The following OXCT1 variants were observed in gnomAD, a reference collection of about 807,000 sequenced individuals.
The protein encoded by OXCT1 is succinyl-CoA:3-ketoacid coenzyme A transferase 1, mitochondrial.
OXCT1 carries 27 observed loss-of-function variants against 69.6 expected under a neutral mutation model. That is an observed-to-expected ratio of 0.39 (90% confidence interval 0.29 to 0.54). The LOEUF (loss-of-function observed/expected upper bound fraction) is 0.54. Among genes scored for constraint, OXCT1 ranks in the 20% least tolerant of loss-of-function variants. OXCT1 has a pLI of 0.72. For missense variants in OXCT1, 437 were observed against 650.2 expected (o/e 0.67, Z 3.57); for synonymous variants, 202 against 217.8 (o/e 0.93, Z 0.64).
chr5:41,731,720 A>G lies in OXCT1; in HGVS notation c.*9T>C, dbSNP rs773073930. The G allele has an allele frequency of 6.2e-7, 1 of 1,605,750 alleles. No individual in the cohort carries two copies. The highest frequency in any genetic ancestry group is 1.3e-5 in the African/African-American group (1 of 74,914). ...GAAAAACACGCAGCCTGGTACAAAT[A>G]TCCATATTTCAATTTGCGATCTGCT... is the stretch of plus-strand genomic sequence containing the variant. On this transcript the variant is annotated 3_prime_UTR_variant, in exon 17 of 17. Coordinates refer to ENST00000196371, the MANE Select transcript of OXCT1 (RefSeq NM_000436.4).
chr5:41,764,780 T>A (rs977776001), intron 13 of OXCT1, among the ~76,000 whole-genome samples: 1 of 152,160 alleles, frequency 6.6e-6, no homozygotes, highest in African/African-American at 2.4e-5. Flanking sequence ...AACTGCTAAC[T>A]GTGGCTGGGA....
At chr5:41,814,423 C>T (rs1263162530) in intron 7 of OXCT1, among the ~76,000 whole-genome samples, 1 of 151,994 alleles carries the variant, frequency 6.6e-6, no homozygotes. Flanking sequence ...GACACGTGCA[C>T]ATGTATGTTT....
At chr5:41,776,644 G>T (rs1052083162) in intron 13 of OXCT1, among the ~76,000 whole-genome samples, 1 of 152,170 alleles carries the variant, frequency 6.6e-6, no homozygotes, top group African/African-American at 2.4e-5. Flanking sequence ...CTTTCTTGTA[G>T]TAACTGAACT....
chr5:41,846,750 A>AGT (rs1203395299), intron 5 of OXCT1, among the ~76,000 whole-genome samples: 4 of 152,230 alleles, frequency 2.6e-5, no homozygotes, highest in Non-Finnish European at 5.9e-5. Context: ...TCCCACCAAC[A>AGT]GTGTAAAAGT....
chr5:41,808,469 C>T (rs1746796020), intron 7 of OXCT1, among the ~76,000 whole-genome samples: 1 of 152,046 alleles, frequency 6.6e-6, no homozygotes, highest in African/African-American at 2.4e-5. Context: ...TCCTACAGTG[C>T]AAGAATACCA....
At chr5:41,766,004 T>C (rs141371038) in intron 13 of OXCT1, among the ~76,000 whole-genome samples, 2,159 of 151,980 alleles carry the variant, frequency 0.014, 99 homozygotes, top group South Asian at 0.079. Context: ...TTGGGGAAAA[T>C]AGGCCTATAA....
intron 7 of OXCT1, among the ~76,000 whole-genome samples, chr5:41,818,710 A>G (rs1747376472): frequency 1.3e-5 from 2 of 152,176 alleles, no homozygotes; most frequent in Non-Finnish European, 2.9e-5. Context: ...ATATGTTCTA[A>G]TATTAGGAGG....
At position 41,788,277 on chromosome 5, in the gene OXCT1, G is replaced by A. The variant is rs147966384; in HGVS notation, c.1248+5726C>T. 7.2e-5 allele frequency among the ~76,000 whole-genome samples: 11 copies of A among 152,064 alleles called. No individual in the cohort carries two copies. In the East Asian group the frequency reaches 9.6e-4, roughly 13 times the overall value. On this transcript the variant is annotated intron_variant, in intron 13 of 16. Coordinates refer to ENST00000196371, the MANE Select transcript of OXCT1 (RefSeq NM_000436.4). ...TGAAGATAAAATACTCAAAAAATACGTAATTGATCCCAAAGAAATCAAAGG... is the reference window on the plus strand; with the variant it reads ...TGAAGATAAAATACTCAAAAAATACATAATTGATCCCAAAGAAATCAAAGG...
chr5:41,854,040 A>AG (rs1163467837), intron 3 of OXCT1, among the ~76,000 whole-genome samples: 6 of 152,182 alleles, frequency 3.9e-5, no homozygotes, highest in Non-Finnish European at 8.8e-5. Flanking sequence ...AAAAGGAGAG[A>AG]GGGGCATTCT....
At chr5:41,862,882 C>A in intron 1 of OXCT1, 132 bp from the exon 2 acceptor site, 1 of 640,394 alleles carries the variant, frequency 1.6e-6, no homozygotes, top group Non-Finnish European at 2.9e-6. Flanking sequence ...TTTTTAATTG[C>A]CAGGTAATAA....
At chr5:41,805,740 T>G (rs969962847) in intron 8 of OXCT1, 59 bp from the exon 9 acceptor site, 1 of 1,116,348 alleles carries the variant, frequency 9.0e-7, no homozygotes, top group Non-Finnish European at 1.4e-6. Context: ...ATTTTATCAC[T>G]GCTGAAATAA....
chr5:41,764,379 A>T (rs932136752), intron 13 of OXCT1, among the ~76,000 whole-genome samples: 10 of 152,238 alleles, frequency 6.6e-5, no homozygotes, highest in African/African-American at 2.2e-4. Context: ...AGAGTTTATA[A>T]ATGTATTCAC....
At position 41,865,107 on chromosome 5, in the gene OXCT1, C is replaced by T. The variant is rs115995412; in HGVS notation, c.79-2357G>A. On this transcript the variant is annotated intron_variant, in intron 1 of 16. Transcript: ENST00000196371. ...TATCCTTTGAGTTACAATCCGAATA[C>T]ACTTGAAGCTATTTTTAAATGTACA... is the stretch of plus-strand genomic sequence containing the variant. Among the ~76,000 whole-genome samples, 1,482 of 152,280 alleles carry T rather than the reference C, an allele frequency of 9.7e-3. 23 individuals carry two copies. The highest frequency in any genetic ancestry group is 0.03 in the African/African-American group (1,254 of 41,550).
intron 3 of OXCT1, among the ~76,000 whole-genome samples, chr5:41,859,957 C>A (rs1352488366): frequency 1.4e-5 from 2 of 147,916 alleles, no homozygotes; most frequent in Admixed American, 6.8e-5. Context: ...TATGTATAAT[C>A]AGATTTCTCA....
chr5:41,819,711 T>C (rs892305004), intron 7 of OXCT1, among the ~76,000 whole-genome samples: 4 of 151,660 alleles, frequency 2.6e-5, no homozygotes, highest in African/African-American at 9.7e-5. Context: ...TGCAACAAAA[T>C]TGTTAATTAT....
At chr5:41,799,652 C>G (rs934140499) in intron 11 of OXCT1, among the ~76,000 whole-genome samples, 11 of 152,194 alleles carry the variant, frequency 7.2e-5, no homozygotes, top group Non-Finnish European at 1.3e-4. Context: ...AAATAACTCA[C>G]TAACATCATA....
chr5:41,819,218 C>A (rs988880202), intron 7 of OXCT1, among the ~76,000 whole-genome samples: 1 of 152,014 alleles, frequency 6.6e-6, no homozygotes, highest in African/African-American at 2.4e-5. Flanking sequence ...CCATGTCATT[C>A]TTTGTATTAA....
chr5:41,819,232 A>G (rs1747407316), intron 7 of OXCT1, among the ~76,000 whole-genome samples: 2 of 152,178 alleles, frequency 1.3e-5, no homozygotes, highest in South Asian at 4.1e-4. Context: ...GTATTAAGAT[A>G]ATTTTTTTTT....
intron 13 of OXCT1, among the ~76,000 whole-genome samples, chr5:41,778,045 T>C (rs1745211250): frequency 6.6e-6 from 1 of 152,232 alleles, no homozygotes; most frequent in Non-Finnish European, 1.5e-5. Context: ...GGCTAAAACA[T>C]GTACTTGAGT....
Sources: gnomAD v4.1 joint callset for allele counts (sites outside exome capture counted in the v4.1 genomes callset) on GRCh38, gnomAD v4.1.1 for gene constraint, MANE v1.5 for transcripts, NCBI Gene and HGNC (gene_info 2026-07-23, HGNC 2026-07-21) for gene names.